RALYL: variants seen among roughly 807,000 people sequenced by gnomAD.
RALYL encodes the protein RNA-binding Raly-like protein.
RALYL carries 29 observed loss-of-function variants against 35.1 expected under a neutral mutation model. The observed-to-expected ratio is 0.83, with a 90% CI of 0.61 to 1.13. The LOEUF (loss-of-function observed/expected upper bound fraction) is 1.13. Ranked by LOEUF, RALYL falls within the 50% of genes most tolerant of loss-of-function variation. The pLI is 0.00. For synonymous variants in RALYL, 120 were observed against 127.6 expected, an observed-to-expected ratio of 0.94 and a Z score of 0.40; for missense variants, 359 against 360.4, an observed-to-expected ratio of 1.00 and a Z score of 0.03.
chr8:84,589,336 G>C (rs544670950), intron 2 of RALYL, among the ~76,000 whole-genome samples: 5 of 152,162 alleles, frequency 3.3e-5, no homozygotes, highest in Non-Finnish European at 7.3e-5. Flanking sequence ...ACTGTATCCT[G>C]TTAGATTCAG....
intron 1 of RALYL, among the ~76,000 whole-genome samples, chr8:84,190,607 C>G (rs1477138317): frequency 6.6e-6 from 1 of 152,172 alleles, no homozygotes; most frequent in African/African-American, 2.4e-5. Context: ...ATCTTGAAAA[C>G]AGGTGGTATA....
chr8:84,472,249 G>A lies in RALYL; in HGVS notation c.-23-57050G>A, dbSNP rs540432186. ...TATCCCTGGCTATGCAAATTTGTGT[G>A]TATAAGGTATGCTTCCTCTTATTTC... On this transcript the variant is annotated intron_variant, in intron 1 of 8. Transcript: ENST00000521268. Among the ~76,000 whole-genome samples the A allele has an allele frequency of 3.9e-5, 6 of 152,182 alleles. No homozygotes were observed. In the South Asian group the frequency reaches 1.2e-3, roughly 32 times the overall value.
intron 1 of RALYL, among the ~76,000 whole-genome samples, chr8:84,524,052 A>G (rs935690346): frequency 5.3e-5 from 8 of 152,046 alleles, no homozygotes; most frequent in Non-Finnish European, 1.0e-4. Flanking sequence ...GGCTGGGTCA[A>G]ATGGTATTTC....
intron 2 of RALYL, among the ~76,000 whole-genome samples, chr8:84,667,773 A>G (rs1832376342): frequency 8.0e-6 from 1 of 125,356 alleles, no homozygotes; most frequent in African/African-American, 3.0e-5. Context: ...TGTAACCAAC[A>G]TATCTTATAC....
rs191133052 is a variant in RALYL at position 84,352,204 on chromosome 8, A to C, written c.-24+167780A>C. Among the ~76,000 whole-genome samples the C allele has an allele frequency of 6.6e-3, 991 of 150,364 alleles. 35 individuals carry two copies. Among genetic ancestry groups the C allele is most frequent in the South Asian group, 0.024 (115 of 4,800 alleles). ...TGCTATTTCAGTGCTAGTAATATAA[A>C]TCCATTGCTAAATCCAGAGGAAAAG... On this transcript the variant is annotated intron_variant, in intron 1 of 8. Transcript: ENST00000521268.
At chr8:84,548,785 CTT>C in intron 2 of RALYL, among the ~76,000 whole-genome samples, 1 of 152,118 alleles carries the variant, frequency 6.6e-6, no homozygotes, top group Middle Eastern at 3.4e-3. Context: ...CATTTTTTCT[CTT>C]TTTCTTTTTT....
At chr8:84,603,782 T>G (rs73691013) in intron 2 of RALYL, among the ~76,000 whole-genome samples, 2,373 of 152,226 alleles carry the variant, frequency 0.016, 69 homozygotes, top group African/African-American at 0.054. Flanking sequence ...TATGTTGGTG[T>G]TGTTATGGTT....
chr8:84,508,906 C>T (rs1198659985), intron 1 of RALYL, among the ~76,000 whole-genome samples: 1 of 151,936 alleles, frequency 6.6e-6, no homozygotes, highest in East Asian at 1.9e-4. Flanking sequence ...GATTAATTGT[C>T]ACTAGGTTTT....
intron 1 of RALYL, among the ~76,000 whole-genome samples, chr8:84,320,689 A>G (rs1844632802): frequency 6.6e-6 from 1 of 152,070 alleles, no homozygotes; most frequent in Non-Finnish European, 1.5e-5. Context: ...ACAATAAATG[A>G]CCTTCTTCCT....
intron 1 of RALYL, among the ~76,000 whole-genome samples, chr8:84,328,477 A>G (rs1218104796): frequency 6.6e-6 from 1 of 152,220 alleles, no homozygotes. Flanking sequence ...GTCAACAGCA[A>G]TCACTTTAGA....
Position 84,565,016 on chromosome 8 carries a change from T to C in RALYL, c.256+35439T>C, listed in dbSNP as rs199855460. Among the ~76,000 whole-genome samples, 16 of 151,798 alleles carry C rather than the reference T, an allele frequency of 1.1e-4. No individual in the cohort carries two copies. The East Asian group carries it at 3.1e-3, about 29-fold the overall frequency. On this transcript the variant is annotated intron_variant, in intron 2 of 8. Transcript: ENST00000521268. ...GCTGATATTCATTTTGTTAATGTGCTTTCATAATTTTCCTTTACAAAAATT... is the reference window on the plus strand; with the variant it reads ...GCTGATATTCATTTTGTTAATGTGCCTTCATAATTTTCCTTTACAAAAATT...
intron 1 of RALYL, among the ~76,000 whole-genome samples, chr8:84,244,928 A>G (rs1285197546): frequency 6.6e-6 from 1 of 152,188 alleles, no homozygotes; most frequent in Non-Finnish European, 1.5e-5. Flanking sequence ...TGAGTCAGAG[A>G]CAAAAGACTT....
chr8:84,509,756 C>T (rs182060057), intron 1 of RALYL, among the ~76,000 whole-genome samples: 1 of 152,088 alleles, frequency 6.6e-6, no homozygotes. Flanking sequence ...TATTCCAGAA[C>T]CATTTATTAA....
chr8:84,857,013 C>A (rs1414629830), intron 5 of RALYL, among the ~76,000 whole-genome samples: 5 of 114,696 alleles, frequency 4.4e-5, no homozygotes, highest in African/African-American at 1.7e-4. Context: ...CCGGCCTGGG[C>A]GACAGAGCGA....
At chr8:84,908,379 C>T (rs547520627) in intron 8 of RALYL, among the ~76,000 whole-genome samples, 3 of 152,116 alleles carry the variant, frequency 2.0e-5, no homozygotes, top group Non-Finnish European at 4.4e-5. Flanking sequence ...CTCCCTGTTT[C>T]TCGTAACCAC....
At chr8:84,690,894 T>C (rs956908651) in intron 2 of RALYL, among the ~76,000 whole-genome samples, 7 of 152,008 alleles carry the variant, frequency 4.6e-5, no homozygotes, top group South Asian at 2.1e-4. Flanking sequence ...TAATTCACAT[T>C]TTAAAATAAA....
intron 2 of RALYL, among the ~76,000 whole-genome samples, chr8:84,560,146 G>A (rs555900386): frequency 2.2e-4 from 34 of 151,878 alleles, no homozygotes; most frequent in Admixed American, 3.3e-4. Context: ...GTCTAACTGC[G>A]AGCTAGACTT....
intron 8 of RALYL, among the ~76,000 whole-genome samples, chr8:84,909,898 G>A (rs577741139): frequency 9.0e-4 from 137 of 152,152 alleles, no homozygotes; most frequent in African/African-American, 2.8e-3. Context: ...AAAGAACCCA[G>A]GTATATTAAG....
At chr8:84,441,858 C>A (rs13281596) in intron 1 of RALYL, among the ~76,000 whole-genome samples, 1 of 152,056 alleles carries the variant, frequency 6.6e-6, no homozygotes, top group African/African-American at 2.4e-5. Flanking sequence ...CAATTCATAT[C>A]TCAGGACTAG....
Sources: gnomAD v4.1 joint callset for allele counts (sites outside exome capture counted in the v4.1 genomes callset) on GRCh38, gnomAD v4.1.1 for gene constraint, MANE v1.5 for transcripts, NCBI Gene and HGNC (gene_info 2026-07-23, HGNC 2026-07-21) for gene names.